Variants in SH2D4A observed in about 807,000 individuals in gnomAD.
SH2D4A encodes SH2 domain containing 4A, also known as SH2 domain-containing protein 4A.
Under a neutral mutation model 64.7 loss-of-function variants are expected in SH2D4A, and 70 were observed. The ratio of observed to expected loss-of-function variants is 1.08; its 90% CI spans 0.89 to 1.32. The LOEUF (loss-of-function observed/expected upper bound fraction) is 1.32, where lower values mean the gene tolerates loss of function less well. Among genes scored for constraint, SH2D4A ranks in the 40% most tolerant of loss-of-function variants. The probability of loss-of-function intolerance (pLI) is 0.00; values close to 1 mark genes in which losing one functional copy is unlikely to be tolerated. For synonymous variants in SH2D4A, 268 were observed against 200.7 expected (o/e 1.34, Z -2.83); for missense variants, 706 against 540.1 (o/e 1.31, Z -3.04).
intron 4 of SH2D4A, among the ~76,000 whole-genome samples, chr8:19,344,969 G>A (rs765719807): frequency 8.8e-4 from 134 of 152,266 alleles, no homozygotes; most frequent in Non-Finnish European, 1.5e-3. Flanking sequence ...TAAAATTGTT[G>A]ATAAGGAATG....
intron 5 of SH2D4A, chr8:19,360,998 T>TAC: frequency 2.8e-6 from 1 of 360,148 alleles, no homozygotes; most frequent in Non-Finnish European, 5.1e-6. Flanking sequence ...CTCCTGGAGT[T>TAC]ACACACTAGC....
At chr8:19,394,455 A>G in intron 9 of SH2D4A, 95 bp from the exon 10 acceptor site, 1 of 795,030 alleles carries the variant, frequency 1.3e-6, no homozygotes, top group Non-Finnish European at 1.9e-6. Flanking sequence ...CTTTGTGTAA[A>G]TCATGGGTAG....
Position 19,364,097 on chromosome 8 carries a change from G to C in SH2D4A, c.732G>C (p.Glu244Asp), listed in dbSNP as rs1231692102. 27 of 1,613,882 alleles carry C rather than the reference G, an allele frequency of 1.7e-5. No homozygotes were observed. The highest frequency in any genetic ancestry group is 2.0e-5 in the Non-Finnish European group (24 of 1,179,922). The change falls in exon 7 of 10, where the codon GAG becomes GAC. Residue 244 changes from glutamate (E) to aspartate (D), a missense_variant. Glu to Asp is a conservative substitution (Grantham distance 45). Coordinates refer to ENST00000265807, the MANE Select transcript of SH2D4A (RefSeq NM_022071.4). ...TGCGAAAATCCAAAGCAGCTGATGAGAAGAGACGCTCCTTGGCTAAACAAG... is the reference window on the plus strand; with the variant it reads ...TGCGAAAATCCAAAGCAGCTGATGACAAGAGACGCTCCTTGGCTAAACAAG... ...ASLRKSKAAD[E>D]KRRSLAKQAR...
chr8:19,356,410 C>T (rs865946414), intron 4 of SH2D4A, among the ~76,000 whole-genome samples: 1 of 152,138 alleles, frequency 6.6e-6, no homozygotes. Flanking sequence ...AAGGCATATA[C>T]TTTGCGGTAA....
At chr8:19,349,902 C>T (rs757124339) in intron 4 of SH2D4A, among the ~76,000 whole-genome samples, 4 of 152,204 alleles carry the variant, frequency 2.6e-5, no homozygotes, top group Non-Finnish European at 5.9e-5. Flanking sequence ...CGGGGCTTCA[C>T]CATGTTGGCC....
chr8:19,345,153 G>C (rs2117240629), intron 4 of SH2D4A, among the ~76,000 whole-genome samples: 1 of 152,286 alleles, frequency 6.6e-6, no homozygotes, highest in East Asian at 1.9e-4. Flanking sequence ...TACTTCCTAT[G>C]CTGCCCCTGG....
chr8:19,390,217 C>T (rs1000810193), intron 8 of SH2D4A, among the ~76,000 whole-genome samples: 1 of 152,126 alleles, frequency 6.6e-6, no homozygotes, highest in Non-Finnish European at 1.5e-5. Context: ...CCTATCTCTG[C>T]TAAAAATACA....
chr8:19,323,401 CAG>C (rs923397942), intron 2 of SH2D4A, among the ~76,000 whole-genome samples: 21 of 142,602 alleles, frequency 1.5e-4, no homozygotes, highest in Non-Finnish European at 9.0e-5. Context: ...TTTTTTGAGA[CAG>C]AGTCTCTTGC....
At chr8:19,383,261 C>A (rs947211748) in intron 8 of SH2D4A, among the ~76,000 whole-genome samples, 1 of 152,098 alleles carries the variant, frequency 6.6e-6, no homozygotes, top group African/African-American at 2.4e-5. Flanking sequence ...TTCTGTTCCT[C>A]AAACTCAGTA....
At chr8:19,332,494 C>T (rs533189627) in intron 2 of SH2D4A, among the ~76,000 whole-genome samples, 8 of 151,838 alleles carry the variant, frequency 5.3e-5, no homozygotes, top group Admixed American at 4.6e-4. Flanking sequence ...ATTAGCTGGT[C>T]GTGGTGGCAG....
At chr8:19,343,216 A>G (rs558442971) in intron 4 of SH2D4A, among the ~76,000 whole-genome samples, 1 of 152,122 alleles carries the variant, frequency 6.6e-6, no homozygotes, top group Admixed American at 6.5e-5. Context: ...CTTGAGCCCA[A>G]GATTTCGAGA....
chr8:19,337,319 C>A (rs989944312), intron 4 of SH2D4A, among the ~76,000 whole-genome samples: 1 of 152,050 alleles, frequency 6.6e-6, no homozygotes, highest in Admixed American at 6.6e-5. Context: ...CTCGATGGTA[C>A]ATTTATATTT....
chr8:19,378,339 C>T (rs1347688516), intron 8 of SH2D4A, among the ~76,000 whole-genome samples: 2 of 152,258 alleles, frequency 1.3e-5, no homozygotes, highest in East Asian at 3.9e-4. Flanking sequence ...GCACAATCCA[C>T]CCATATTTTA....
chr8:19,353,367 AGTT>A (rs2052737145), intron 4 of SH2D4A, among the ~76,000 whole-genome samples: 1 of 140,844 alleles, frequency 7.1e-6, no homozygotes, highest in Non-Finnish European at 1.5e-5. Flanking sequence ...TTAATCATCT[AGTT>A]TTTTTTTTTT....
intron 9 of SH2D4A, among the ~76,000 whole-genome samples, chr8:19,393,925 C>CATTG (rs1355853517): frequency 2.0e-5 from 3 of 152,154 alleles, no homozygotes; most frequent in African/African-American, 7.2e-5. Flanking sequence ...AAGCACATTA[C>CATTG]ATTGATTGTG....
intron 2 of SH2D4A, among the ~76,000 whole-genome samples, chr8:19,320,711 C>G (rs139735747): frequency 2.3e-4 from 35 of 151,182 alleles, no homozygotes; most frequent in African/African-American, 8.2e-4. Flanking sequence ...TCACTCCGTT[C>G]TCACTAACCC....
chr8:19,389,569 G>C (rs2053451038), intron 8 of SH2D4A, among the ~76,000 whole-genome samples: 1 of 152,198 alleles, frequency 6.6e-6, no homozygotes, highest in Non-Finnish European at 1.5e-5. Context: ...TTCAGGGCCA[G>C]ACACTGCCCA....
intron 8 of SH2D4A, among the ~76,000 whole-genome samples, chr8:19,379,909 T>C (rs1250975899): frequency 6.6e-6 from 1 of 152,116 alleles, no homozygotes; most frequent in Non-Finnish European, 1.5e-5. Context: ...CTAATTTTTT[T>C]ATTTTTTGTA....
intron 8 of SH2D4A, among the ~76,000 whole-genome samples, chr8:19,380,527 T>A (rs889695455): frequency 1.3e-5 from 2 of 152,186 alleles, no homozygotes; most frequent in African/African-American, 4.8e-5. Context: ...AAGTCTTTGA[T>A]CCCTTTTGAG....
Sources: gnomAD v4.1 joint callset for allele counts (sites outside exome capture counted in the v4.1 genomes callset) on GRCh38, gnomAD v4.1.1 for gene constraint, MANE v1.5 for transcripts, NCBI Gene and HGNC (gene_info 2026-07-23, HGNC 2026-07-21) for gene names.